The following NOL4L variants were observed in gnomAD, a reference collection of about 807,000 sequenced individuals.
NOL4L encodes the protein nucleolar protein 4-like.
NOL4L carries 7 observed loss-of-function variants against 64.5 expected under a neutral mutation model. That is an observed-to-expected ratio of 0.11 (90% confidence interval 0.06 to 0.20). The LOEUF is 0.20. NOL4L is among the 10% of genes least tolerant of loss of function. The pLI, the probability that NOL4L is intolerant of heterozygous loss-of-function variation, is 1.00. For synonymous variants in NOL4L, 413 were observed against 401.0 expected (o/e 1.03, Z -0.36); for missense variants, 680 against 967.1 (o/e 0.70, Z 3.94).
chr20:32,465,052 G>A (rs527734660), intron 5 of NOL4L: 82 of 625,212 alleles, frequency 1.3e-4, no homozygotes, highest in Admixed American at 5.9e-4. Context: ...TTCCTGGCCC[G>A]TAGAGAGGTG....
At position 32,463,685 on chromosome 20, in the gene NOL4L, AG is replaced by A. The variant is rs1198933887; in HGVS notation, c.842-7291del. 6.6e-6 allele frequency among the ~76,000 whole-genome samples: 1 copy of A among 152,238 alleles called. No homozygotes were observed. The highest frequency in any genetic ancestry group is 2.4e-5 in the African/African-American group (1 of 41,468). On this transcript the variant is annotated intron_variant, in intron 5 of 10. Transcript: ENST00000621426. The surrounding 1 kb of genome is among the most constrained non-coding windows in gnomAD (Gnocchi z 5.8). ...TTCCTCCCTCTGTCCCGTCTCCAGA[AG>A]GAGACAAAAACCCCTTTTACCTCAG... is the stretch of plus-strand genomic sequence containing the variant.
chr20:32,472,324 TC>T (rs555313246), intron 5 of NOL4L, among the ~76,000 whole-genome samples: 48 of 152,264 alleles, frequency 3.2e-4, no homozygotes, highest in Middle Eastern at 3.4e-3. Context: ...GCCTCAGACT[TC>T]CACGAAGGAC....
chr20:32,516,216 C>T (rs937353224), intron 3 of NOL4L, among the ~76,000 whole-genome samples: 1 of 152,004 alleles, frequency 6.6e-6, no homozygotes, highest in Non-Finnish European at 1.5e-5. Flanking sequence ...GGCCGTGAGA[C>T]CAGCCAGCCT....
intron 5 of NOL4L, among the ~76,000 whole-genome samples, chr20:32,466,306 G>A (rs2014545850): frequency 1.3e-5 from 2 of 152,270 alleles, no homozygotes; most frequent in South Asian, 4.1e-4. Flanking sequence ...CGGCTCCTCA[G>A]GCCCCAGAGC....
intron 2 of NOL4L, 97 bp from the exon 3 acceptor site, chr20:32,521,019 G>A (rs143224740): frequency 1.7e-5 from 11 of 647,628 alleles, no homozygotes; most frequent in African/African-American, 1.3e-4. Flanking sequence ...CAGGTGCTTC[G>A]GCTCTTGCAA....
intron 5 of NOL4L, among the ~76,000 whole-genome samples, chr20:32,472,848 A>C (rs1176282477): frequency 6.6e-6 from 1 of 152,124 alleles, no homozygotes; most frequent in Non-Finnish European, 1.5e-5. Context: ...TCTGGTGTCC[A>C]TCAGGAGGGG....
At chr20:32,553,091 C>T (rs766367773) in intron 1 of NOL4L, among the ~76,000 whole-genome samples, 12 of 152,278 alleles carry the variant, frequency 7.9e-5, no homozygotes, top group Non-Finnish European at 1.6e-4. Flanking sequence ...CAGGCCCTGC[C>T]AGAAGGTTTC....
chr20:32,547,145 ACT>A (rs1226099034), intron 1 of NOL4L, among the ~76,000 whole-genome samples: 1 of 151,922 alleles, frequency 6.6e-6, no homozygotes, highest in Non-Finnish European at 1.5e-5. Context: ...CAACTCACTG[ACT>A]CTTCACTCCA....
intron 1 of NOL4L, among the ~76,000 whole-genome samples, chr20:32,552,554 G>A (rs1365618158): frequency 2.0e-5 from 3 of 152,126 alleles, no homozygotes; most frequent in African/African-American, 7.2e-5. Flanking sequence ...AGGCATGGTG[G>A]TGGACGCCTG....
intron 1 of NOL4L, among the ~76,000 whole-genome samples, chr20:32,581,744 C>T (rs1207278261): frequency 6.6e-6 from 1 of 152,186 alleles, no homozygotes; most frequent in Admixed American, 6.5e-5. Context: ...GCCCCACCCA[C>T]CCGAGCACCC....
chr20:32,509,445 G>A (rs1382842856), intron 4 of NOL4L, among the ~76,000 whole-genome samples: 8 of 146,246 alleles, frequency 5.5e-5, no homozygotes, highest in Non-Finnish European at 1.0e-4. Context: ...TTGAACCCAG[G>A]AGGCAGAAGC....
chr20:32,453,059 T>G lies in NOL4L; in HGVS notation c.1498-53A>C. On this transcript the variant is annotated intron_variant, in intron 8 of 10. Transcript: ENST00000621426. This position sits in a 1 kb window ranked among gnomAD's most constrained non-coding sequence, Gnocchi z 5.6. ...CATGGGGCCCGTGGGGGCCCTGGGC[T>G]TGTGCAGAGACCCTGCCCCAGGGGT... The G allele has an allele frequency of 6.2e-7, 1 of 1,605,628 alleles. No individual in the cohort carries two copies. The highest frequency in any genetic ancestry group is 1.1e-5 in the South Asian group (1 of 90,932).
chr20:32,444,711 G>C lies in NOL4L; in HGVS notation c.*2885C>G, dbSNP rs769811912. 2.0e-5 allele frequency: 3 copies of C among 152,354 alleles called. No individual in the cohort carries two copies. Among genetic ancestry groups the C allele is most frequent in the Non-Finnish European group, 2.9e-5 (2 of 68,046 alleles). The allele number at this position is 152,354 out of a possible 1,614,324, so 9.4% of individuals were successfully genotyped here. A position where few individuals can be genotyped will look rare whatever the true frequency, so the allele number is the denominator to read the frequency against. On this transcript the variant is annotated 3_prime_UTR_variant, in exon 11 of 11. Transcript: ENST00000621426. ...CTCCTGCAAAGACTCTGGAATTGGAGTATCCTACTCTTGCATTTCCTTTTT... is the reference window on the plus strand; with the variant it reads ...CTCCTGCAAAGACTCTGGAATTGGACTATCCTACTCTTGCATTTCCTTTTT...
At chr20:32,554,334 A>G (rs1217111205) in intron 1 of NOL4L, among the ~76,000 whole-genome samples, 1 of 151,578 alleles carries the variant, frequency 6.6e-6, no homozygotes, top group East Asian at 1.9e-4. Flanking sequence ...AAAAAAAAAA[A>G]AAAAAAAAGG....
chr20:32,552,805 C>G (rs1978388736), intron 1 of NOL4L, among the ~76,000 whole-genome samples: 1 of 152,150 alleles, frequency 6.6e-6, no homozygotes, highest in South Asian at 2.1e-4. Flanking sequence ...GAGTTCGAGA[C>G]CAGCCTGGCC....
At chr20:32,499,026 C>T (rs569782152) in intron 4 of NOL4L, among the ~76,000 whole-genome samples, 8 of 152,102 alleles carry the variant, frequency 5.3e-5, no homozygotes, top group Admixed American at 4.6e-4. Flanking sequence ...ATTACAGGCT[C>T]CTGCCACCAC....
chr20:32,455,380 C>G (rs550286197), intron 6 of NOL4L, among the ~76,000 whole-genome samples: 1 of 152,224 alleles, frequency 6.6e-6, no homozygotes, highest in Non-Finnish European at 1.5e-5. Flanking sequence ...AATGTCCCCA[C>G]GAGACATTCC....
intron 1 of NOL4L, among the ~76,000 whole-genome samples, chr20:32,547,228 A>G (rs924312260): frequency 6.6e-6 from 1 of 152,226 alleles, no homozygotes; most frequent in African/African-American, 2.4e-5. Context: ...AGTGACACAC[A>G]TGCCCAATGT....
intron 1 of NOL4L, among the ~76,000 whole-genome samples, chr20:32,557,573 G>A (rs1978743392): frequency 6.6e-6 from 1 of 152,146 alleles, no homozygotes; most frequent in Non-Finnish European, 1.5e-5. Flanking sequence ...GTTAATGGTG[G>A]GCAGGGGGCA....
Sources: gnomAD v4.1 joint callset for allele counts (sites outside exome capture counted in the v4.1 genomes callset) on GRCh38, gnomAD v4.1.1 for gene constraint, Gnocchi (gnomAD v3.1) non-coding constraint, MANE v1.5 for transcripts, NCBI Gene and HGNC (gene_info 2026-07-23, HGNC 2026-07-21) for gene names.